ZNF585A: variants seen among roughly 807,000 people sequenced by gnomAD.
ZNF585A encodes the protein zinc finger protein 585A.
A neutral mutation model predicts 14.9 loss-of-function variants in ZNF585A; 9 were observed. That is an observed-to-expected ratio of 0.60 (90% CI 0.36 to 1.05). The LOEUF is 1.05. Ranked by LOEUF, ZNF585A falls within the 50% of genes least tolerant of loss-of-function variation. The pLI is 0.01. For synonymous variants in ZNF585A, 276 were observed against 319.9 expected, an observed-to-expected ratio of 0.86 and a Z score of 1.46; for missense variants, 726 against 926.4, an observed-to-expected ratio of 0.78 and a Z score of 2.81.
chr19:37,157,848 G>A (rs1206273703), intron 2 of ZNF585A, among the ~76,000 whole-genome samples: 2 of 149,394 alleles, frequency 1.3e-5, no homozygotes, highest in Admixed American at 1.3e-4. Context: ...TTTAAGTTCT[G>A]TATTACACAG....
rs1971827137 is a variant in ZNF585A, at chr19:37,151,455, C to G, written c.*134G>C. 1 of 981,548 alleles carries G rather than the reference C, an allele frequency of 1.0e-6. No individual in the cohort carries two copies. The highest frequency in any genetic ancestry group is 3.3e-4 in the Middle Eastern group (1 of 3,008). The allele number at this position is 981,548 out of a possible 1,614,324, so 60.8% of individuals were successfully genotyped here. A position where few individuals can be genotyped will look rare whatever the true frequency, so the allele number is the denominator to read the frequency against. ...CATTCAGTGCCTTCTCAGAGGCCCT[C>G]TCCAGAACAGCCATGTGTGACATTC... On this transcript the variant is annotated 3_prime_UTR_variant, in exon 5 of 5. Transcript: ENST00000292841.
rs1304850754 is a variant in ZNF585A, at chr19:37,148,877, A to G, written c.*2712T>C. 1 of 152,208 alleles carries G rather than the reference A, an allele frequency of 6.6e-6. No homozygotes were observed. Among genetic ancestry groups the G allele is most frequent in the Non-Finnish European group, 1.5e-5 (1 of 68,024 alleles). The allele number at this position is 152,208 out of a possible 1,614,324, so 9.4% of individuals were successfully genotyped here. A position where few individuals can be genotyped will look rare whatever the true frequency, so the allele number is the denominator to read the frequency against. On this transcript the variant is annotated 3_prime_UTR_variant, in exon 5 of 5. Transcript: ENST00000292841. The stretch of plus-strand genomic sequence containing the variant: ...CATGGAGGAAACTGAAATCCACATT[A>G]CTAAGTGAAAGAAGTCAATTTGAAA...
chr19:37,155,703 T>C (rs73622736), intron 4 of ZNF585A, among the ~76,000 whole-genome samples, 162 bp downstream of exon 4: 2,123 of 152,146 alleles, frequency 0.014, 46 homozygotes, highest in African/African-American at 0.048. Context: ...GGAGAATGCA[T>C]TTAGTGATCT....
At chr19:37,160,231 T>C (rs1247626480) in intron 2 of ZNF585A, among the ~76,000 whole-genome samples, 1 of 151,382 alleles carries the variant, frequency 6.6e-6, no homozygotes, top group African/African-American at 2.4e-5. Context: ...GTCCCAGCTA[T>C]TTGGGAGGCT....
At chr19:37,159,403 T>C (rs1183418689) in intron 2 of ZNF585A, among the ~76,000 whole-genome samples, 4 of 152,088 alleles carry the variant, frequency 2.6e-5, no homozygotes, top group African/African-American at 9.7e-5. Context: ...AAATACATGA[T>C]CCTCCAAATT....
In ZNF585A at chr19:37,169,971, A is replaced by T; in HGVS notation, c.-61T>A. 1 of 1,573,568 alleles carries T rather than the reference A, an allele frequency of 6.4e-7. No individual in the cohort carries two copies. The highest frequency in any genetic ancestry group is 8.6e-7 in the Non-Finnish European group (1 of 1,162,858). On this transcript the variant is annotated 5_prime_UTR_variant, in exon 2 of 5. Coordinates refer to ENST00000292841, the MANE Select transcript of ZNF585A (RefSeq NM_001288800.2). ...GTCTGAAGCTTGGCAGTCATCTGTG[A>T]ACTCAAGCAGAGCTGCTCTGAAGAG... is the stretch of plus-strand genomic sequence containing the variant.
chr19:37,151,332 C>T lies in ZNF585A; in HGVS notation c.*257G>A. The stretch of plus-strand genomic sequence containing the variant: ...TTCTATTGTAGTTTTCATGAGAAGG[C>T]TTTTCCTATTCACCAAATTGACTCG... On this transcript the variant is annotated 3_prime_UTR_variant, in exon 5 of 5. Transcript: ENST00000292841. The T allele has an allele frequency of 2.2e-6, 1 of 461,960 alleles. No individual in the cohort carries two copies. The highest frequency in any genetic ancestry group is 3.8e-6 in the Non-Finnish European group (1 of 262,886). 28.6% of individuals were successfully genotyped at this position (461,960 alleles called of 1,614,324 possible).
At chr19:37,165,320 A>G (rs1241241393) in intron 2 of ZNF585A, 1 of 151,870 alleles carries the variant, frequency 6.6e-6, no homozygotes, top group African/African-American at 2.4e-5. Flanking sequence ...AGATCACATC[A>G]CTACACTCTA....
intron 2 of ZNF585A, among the ~76,000 whole-genome samples, chr19:37,167,589 TTTTTATTTTATTTTA>T (rs59039152): frequency 0.024 from 3,407 of 144,146 alleles, 129 homozygotes; most frequent in African/African-American, 0.082. Context: ...TTACTTTTTA[TTTTTATTTTATTTTA>T]TTTTATTTTA....
intron 1 of ZNF585A, among the ~76,000 whole-genome samples, chr19:37,171,981 T>C (rs1180289688): frequency 6.6e-6 from 1 of 151,486 alleles, no homozygotes; most frequent in African/African-American, 2.4e-5. Flanking sequence ...AATGGACAAA[T>C]AACCTTTCCA....
chr19:37,155,850 A>T lies in ZNF585A; in HGVS notation c.292+15T>A. On this transcript the variant is annotated intron_variant, in intron 4 of 4. Transcript: ENST00000292841. ...CCCATCTCCCATCTACCGGATTCAC[A>T]CTCGCTTCACTCACCTGGGCAGCTC... The T allele has an allele frequency of 6.2e-7, 1 of 1,611,914 alleles. No individual in the cohort carries two copies. Among genetic ancestry groups the T allele is most frequent in the Non-Finnish European group, 8.5e-7 (1 of 1,179,888 alleles).
chr19:37,170,163 C>G (rs1158631155), intron 1 of ZNF585A, 109 bp from the exon 2 acceptor site: 2 of 413,770 alleles, frequency 4.8e-6, no homozygotes, highest in East Asian at 7.6e-5. Context: ...CAGTGGTTCT[C>G]AAATGGGTAT....
At chr19:37,153,688 T>C in intron 4 of ZNF585A, 82 bp from the exon 5 acceptor site, 1 of 1,198,084 alleles carries the variant, frequency 8.3e-7, no homozygotes, top group Non-Finnish European at 1.2e-6. Context: ...AGGATTATTT[T>C]TATTATGACT....
At chr19:37,155,377 G>A (rs12980431) in intron 4 of ZNF585A, among the ~76,000 whole-genome samples, 1 of 151,898 alleles carries the variant, frequency 6.6e-6, no homozygotes, top group South Asian at 2.1e-4. Context: ...TCGGCCAGGC[G>A]CAGTAGCTCA....
intron 2 of ZNF585A, among the ~76,000 whole-genome samples, chr19:37,169,153 T>A (rs1972142109): frequency 6.6e-6 from 1 of 152,166 alleles, no homozygotes; most frequent in African/African-American, 2.4e-5. Flanking sequence ...TTCAGAAAAC[T>A]AAACTTTCCT....
rs1337466454 is a variant in ZNF585A at position 37,147,068 on chromosome 19, G to C, written c.*4521C>G. 6.6e-6 allele frequency: 1 copy of C among 152,180 alleles called. No homozygotes were observed. Among genetic ancestry groups the C allele is most frequent in the African/African-American group, 2.4e-5 (1 of 41,418 alleles). The allele number at this position is 152,180 out of a possible 1,614,324, so 9.4% of individuals were successfully genotyped here. ...GAGCTGGCACCGTGCTGGGCGCCTG[G>C]TATACAGCAGAAACAGGACAGACAA... On this transcript the variant is annotated 3_prime_UTR_variant, in exon 5 of 5. Transcript: ENST00000292841.
chr19:37,153,262 G>A lies in ZNF585A; in HGVS notation c.637C>T (p.Leu213Phe). Reference sequence around the variant, plus strand: ...TTCCCACACTGGCTGCATTCATAGAGTTTCTCTCCGGTATGAATTCTCTGA... The same window carrying A: ...TTCCCACACTGGCTGCATTCATAGAATTTCTCTCCGGTATGAATTCTCTGA... ...RHQRIHTGEKLYECSQCGKGF... is the reference protein window; with the variant it reads ...RHQRIHTGEKFYECSQCGKGF... Residue 213 changes from leucine to phenylalanine, a missense_variant, in exon 5 of 5, where the codon CTC (leucine) becomes TTC (phenylalanine). Physicochemically the swap from Leu to Phe is conservative, Grantham distance 22 (BLOSUM62 0). Coordinates refer to ENST00000292841, the MANE Select transcript of ZNF585A (RefSeq NM_001288800.2). The A allele has an allele frequency of 6.2e-7, 1 of 1,614,134 alleles. No individual in the cohort carries two copies. The highest frequency in any genetic ancestry group is 8.5e-7 in the Non-Finnish European group (1 of 1,180,020).
At chr19:37,156,428 G>C in intron 2 of ZNF585A, 73 bp from the exon 3 acceptor site, 2 of 1,540,942 alleles carry the variant, frequency 1.3e-6, no homozygotes, top group Non-Finnish European at 1.8e-6. Flanking sequence ...TAGGAATATG[G>C]AATACAGGTC....
rs1464000030 is a variant in ZNF585A, at chr19:37,150,785, G to A, written c.*804C>T. The A allele has an allele frequency of 6.5e-6, 1 of 153,866 alleles. No individual in the cohort carries two copies. The highest frequency in any genetic ancestry group is 1.5e-5 in the Non-Finnish European group (1 of 68,026). The allele number at this position is 153,866 out of a possible 1,614,324, so 9.5% of individuals were successfully genotyped here. ...AAGGCAACTGAGTTGGAAGAACTAT[G>A]ACAGCAGAAGGGAGATTTAAGTTGT... On this transcript the variant is annotated 3_prime_UTR_variant, in exon 5 of 5. Transcript: ENST00000292841.
Sources: gnomAD v4.1 joint callset for allele counts (sites outside exome capture counted in the v4.1 genomes callset) on GRCh38, gnomAD v4.1.1 for gene constraint, MANE v1.5 for transcripts, NCBI Gene and HGNC (gene_info 2026-07-23, HGNC 2026-07-21) for gene names.